TRAP1: variants seen among roughly 807,000 people sequenced by gnomAD.
TRAP1 encodes TNF receptor associated protein 1.
TRAP1 carries 102 observed loss-of-function variants against 89.1 expected under a neutral mutation model. The observed-to-expected ratio is 1.15, with a 90% confidence interval of 0.98 to 1.35. TRAP1 has a LOEUF of 1.35. Among genes scored for constraint, TRAP1 ranks in the 40% most tolerant of loss-of-function variants. TRAP1 has a pLI of 0.00. For synonymous variants in TRAP1, 508 were observed against 388.0 expected, an observed-to-expected ratio of 1.31 and a Z score of -3.64; for missense variants, 1,256 against 945.3, an observed-to-expected ratio of 1.33 and a Z score of -4.31.
chr16:3,658,273 AC>A (rs2042838544), intron 17 of TRAP1, 43 bp from the exon 18 acceptor site: 1 of 1,468,514 alleles, frequency 6.8e-7, no homozygotes, highest in African/African-American at 1.5e-5. Flanking sequence ...GGCATGGGGC[AC>A]CTTTTCATTT....
At chr16:3,692,942 G>A (rs1003259731) in intron 1 of TRAP1, among the ~76,000 whole-genome samples, 25 of 149,912 alleles carry the variant, frequency 1.7e-4, no homozygotes, top group Admixed American at 4.0e-4. Context: ...CTTACAAACA[G>A]CACAAACCTG....
chr16:3,684,709 G>A (rs1002012743), intron 4 of TRAP1, among the ~76,000 whole-genome samples: 3 of 152,110 alleles, frequency 2.0e-5, no homozygotes, highest in African/African-American at 7.2e-5. Flanking sequence ...AGAGTTGCTT[G>A]GACCTGGGAG....
Position 3,664,388 on chromosome 16 carries a change from TTC to T in TRAP1, c.1453_1454del (p.Glu485IlefsTer30). 6.2e-7 allele frequency: 1 copy of T among 1,612,696 alleles called. No homozygotes were observed. The highest frequency in any genetic ancestry group is 8.5e-7 in the Non-Finnish European group (1 of 1,179,568). On this transcript the variant is annotated frameshift_variant, in exon 13 of 18. Coordinates refer to ENST00000246957, the MANE Select transcript of TRAP1 (RefSeq NM_016292.3). LOFTEE classifies it high-confidence loss of function. ...LPSGQLTSLS[E>X]YASRMRAGTR... is the part of the protein sequence containing the mutation. ...TGCCGGCCCGCATGCGGCTGGCGTATTCTGAGAGGCTGGTTAGCTGCCCGGAG... is the reference window on the plus strand; with the variant it reads ...TGCCGGCCCGCATGCGGCTGGCGTATTGAGAGGCTGGTTAGCTGCCCGGAG...
intron 11 of TRAP1, among the ~76,000 whole-genome samples, chr16:3,668,465 G>A (rs2050867497): frequency 6.6e-6 from 1 of 152,158 alleles, no homozygotes; most frequent in South Asian, 2.1e-4. Context: ...AATTACAAAG[G>A]GAAGGACATC....
intron 16 of TRAP1, chr16:3,659,311 G>T (rs551442333): frequency 6.4e-6 from 1 of 155,874 alleles, no homozygotes; most frequent in East Asian, 1.9e-4. Context: ...GTATTTCACA[G>T]AAGAGGGAGG....
chr16:3,662,080 C>G lies in TRAP1; in HGVS notation c.1847G>C (p.Gly616Ala). 6.2e-7 allele frequency: 1 copy of G among 1,613,288 alleles called. No individual in the cohort carries two copies. The highest frequency in any genetic ancestry group is 8.5e-7 in the Non-Finnish European group (1 of 1,179,928). ...CATGCGCAGGAAGTGGCGGGCAGCC[C>G]CCATCTCCAGCACGGTGACCATGGC... ...HPAMVTVLEM[G>A]AARHFLRMQQ... Residue 616 changes from glycine to alanine, a missense_variant, in exon 16 of 18, where the codon GGG becomes GCG. Transcript: ENST00000246957.
At chr16:3,705,221 C>A (rs998142407) in intron 1 of TRAP1, among the ~76,000 whole-genome samples, 15 of 152,078 alleles carry the variant, frequency 9.9e-5, no homozygotes, top group African/African-American at 3.4e-4. Flanking sequence ...CCCGCCACCA[C>A]ACCCGGCTAA....
intron 6 of TRAP1, 122 bp downstream of exon 6, chr16:3,677,376 A>G: frequency 1.5e-6 from 2 of 1,342,882 alleles, no homozygotes; most frequent in Admixed American, 2.0e-5. Flanking sequence ...GGAGAGTCAG[A>G]TTTCATATAA....
At position 3,662,900 on chromosome 16, in the gene TRAP1, C is replaced by T. The variant is rs377480920; in HGVS notation, c.1776G>A (p.Ser592=). 1.5e-5 allele frequency: 25 copies of T among 1,613,408 alleles called. No homozygotes were observed. The highest frequency in any genetic ancestry group is 1.6e-4 in the Middle Eastern group (1 of 6,082). The part of the protein sequence containing the change: ...LMAWMRNVLG[S]RVTNVKVTLR... ...GCCTCACCTTCACGTTGGTGACACG[C>T]GACCCCAGCACATTTCTCATCCAGG... Residue 592 remains serine, a synonymous_variant, in exon 15 of 18, where the codon TCG becomes TCA. Coordinates refer to ENST00000246957, the MANE Select transcript of TRAP1 (RefSeq NM_016292.3).
Position 3,682,475 on chromosome 16 carries a change from C to T in TRAP1, c.472-2685G>A, listed in dbSNP as rs1025814918. 5.3e-5 allele frequency among the ~76,000 whole-genome samples: 8 copies of T among 152,138 alleles called. No individual in the cohort carries two copies. The South Asian group carries it at 6.2e-4, about 12-fold the overall frequency. On this transcript the variant is annotated intron_variant, in intron 4 of 17. Coordinates refer to ENST00000246957, the MANE Select transcript of TRAP1 (RefSeq NM_016292.3). ...TGTGATCTCCGCTCACTGCACCTTC[C>T]GCCTCCCGAGTTCAAGCAATTCTCC...
At chr16:3,688,631 T>C (rs558236335) in intron 3 of TRAP1, among the ~76,000 whole-genome samples, 10 of 152,204 alleles carry the variant, frequency 6.6e-5, no homozygotes, top group African/African-American at 2.4e-4. Context: ...CACAGGTCAG[T>C]GCCCCCATAG....
chr16:3,680,464 C>T (rs1271262452), intron 4 of TRAP1, among the ~76,000 whole-genome samples: 1 of 152,234 alleles, frequency 6.6e-6, no homozygotes, highest in Non-Finnish European at 1.5e-5. Context: ...CCTCTGGTGG[C>T]TCTCTCAATC....
chr16:3,717,405 G>A lies in TRAP1; in HGVS notation c.88+16C>T. The A allele has an allele frequency of 9.0e-7, 1 of 1,106,722 alleles. No individual in the cohort carries two copies. Among genetic ancestry groups the A allele is most frequent in the Non-Finnish European group, 1.1e-6 (1 of 872,436 alleles). The allele number at this position is 1,106,722 out of a possible 1,614,324, so 68.6% of individuals were successfully genotyped here. A position where few individuals can be genotyped will look rare whatever the true frequency, so the allele number is the denominator to read the frequency against. On this transcript the variant is annotated intron_variant, in intron 1 of 17. Transcript: ENST00000246957. ...GCCCGGCCCGCCCGCTGCCCGTCCA[G>A]CCAGGACGCCCTCACCTCCCGGCAC...
chr16:3,712,139 A>G (rs2051539387), intron 1 of TRAP1, among the ~76,000 whole-genome samples: 2 of 151,838 alleles, frequency 1.3e-5, no homozygotes, highest in South Asian at 4.1e-4. Flanking sequence ...AAATACAAAA[A>G]TTGGCTGGCC....
chr16:3,700,751 C>T lies in TRAP1; in HGVS notation c.89-9766G>A, dbSNP rs1451281660. ...AAAGTGGTGGGATTACAGAAGTGAG[C>T]CACCGCACCTGGCCAAGGGTGCATA... On this transcript the variant is annotated intron_variant, in intron 1 of 17. Transcript: ENST00000246957. 2.6e-5 allele frequency among the ~76,000 whole-genome samples: 4 copies of T among 152,090 alleles called. No individual in the cohort carries two copies. In the East Asian group the frequency reaches 7.7e-4, roughly 29 times the overall value.
chr16:3,682,426 G>A (rs960713083), intron 4 of TRAP1, among the ~76,000 whole-genome samples: 2 of 151,474 alleles, frequency 1.3e-5, no homozygotes, highest in African/African-American at 4.9e-5. Flanking sequence ...CTGTCACGCA[G>A]GCTAGAGTGC....
Position 3,689,126 on chromosome 16 carries a change from T to TG in TRAP1, c.258dup (p.Lys87GlnfsTer3). 1 of 1,613,864 alleles carries TG rather than the reference T, an allele frequency of 6.2e-7. No individual in the cohort carries two copies. Among genetic ancestry groups the TG allele is most frequent in the Non-Finnish European group, 8.5e-7 (1 of 1,179,876 alleles). On this transcript the variant is annotated frameshift_variant, in exon 3 of 18. Transcript: ENST00000246957. LOFTEE classifies it high-confidence loss of function. ...TTTGTCTCGGCCTGGAACTCATGTT[T>TG]GGAAGTGGAACCTAGTAATGAAACA... is the stretch of plus-strand genomic sequence containing the variant.
At chr16:3,691,632 A>G (rs1391008815) in intron 1 of TRAP1, among the ~76,000 whole-genome samples, 1 of 152,048 alleles carries the variant, frequency 6.6e-6, no homozygotes, top group African/African-American at 2.4e-5. Flanking sequence ...GAAGCCCCCG[A>G]TGGGCCACAC....
chr16:3,665,587 T>G (rs976522785), intron 12 of TRAP1: 1 of 218,944 alleles, frequency 4.6e-6, no homozygotes, highest in South Asian at 9.0e-5. Context: ...CAACAGACAC[T>G]GAGACCACCC....
Sources: allele counts gnomAD v4.1 joint callset (sites outside exome capture counted in the v4.1 genomes callset), GRCh38; gene constraint gnomAD v4.1.1; transcripts MANE v1.5; gene names NCBI Gene and HGNC (gene_info 2026-07-23, HGNC 2026-07-21).